Variants in RILPL1 observed in about 807,000 individuals in gnomAD.
RILPL1 encodes the protein Rab interacting lysosomal protein like 1.
A neutral mutation model predicts 50.3 loss-of-function variants in RILPL1; 33 were observed. The ratio of observed to expected loss-of-function variants is 0.66; its 90% CI spans 0.50 to 0.88. The LOEUF (loss-of-function observed/expected upper bound fraction) is 0.88. RILPL1 is among the 40% of genes least tolerant of loss of function. The pLI is 0.00. For synonymous variants in RILPL1, 205 were observed against 228.6 expected (o/e 0.90, Z 0.93); for missense variants, 418 against 542.5 (o/e 0.77, Z 2.28).
chr12:123,475,365 C>A lies in RILPL1; in HGVS notation c.1068-2683G>T, dbSNP rs775577438. ...CCGCAGTGGGCGTTGATTACTGACCCGTCACTTAAAGGACCTTCTTTACTG... is the reference window on the plus strand; with the variant it reads ...CCGCAGTGGGCGTTGATTACTGACCAGTCACTTAAAGGACCTTCTTTACTG... On this transcript the variant is annotated intron_variant, in intron 6 of 6. Coordinates refer to ENST00000376874, the MANE Select transcript of RILPL1 (RefSeq NM_178314.5). 1.2e-5 allele frequency: 5 copies of A among 407,018 alleles called. No individual in the cohort carries two copies. In the Middle Eastern group the frequency reaches 2.2e-3, roughly 180 times the overall value. 25.2% of individuals were successfully genotyped at this position (407,018 alleles called of 1,614,324 possible).
rs1206342384 is a variant in RILPL1 at position 123,472,412 on chromosome 12, T to A, written c.*126A>T. The A allele has an allele frequency of 1.1e-5, 11 of 986,496 alleles. No individual in the cohort carries two copies. The highest frequency in any genetic ancestry group is 1.5e-5 in the Non-Finnish European group (10 of 674,766). 61.1% of individuals were successfully genotyped at this position (986,496 alleles called of 1,614,324 possible). ...CCATCCTCAAATCAGACAGTCTGTT[T>A]GAGGGGTCAGTTTTCAGGGTGCATC... On this transcript the variant is annotated 3_prime_UTR_variant, in exon 7 of 7. Coordinates refer to ENST00000376874, the MANE Select transcript of RILPL1 (RefSeq NM_178314.5).
At chr12:123,510,449 T>C (rs1478657615) in intron 2 of RILPL1, among the ~76,000 whole-genome samples, 1 of 146,164 alleles carries the variant, frequency 6.8e-6, no homozygotes, top group Admixed American at 6.8e-5. Context: ...GAGGTCTGTG[T>C]GTGTGAATGT....
Position 123,491,619 on chromosome 12 carries a change from C to A in RILPL1, c.802-5814G>T, listed in dbSNP as rs567263458. Among the ~76,000 whole-genome samples the A allele has an allele frequency of 6.6e-6, 1 of 152,346 alleles. No homozygotes were observed. Among genetic ancestry groups the A allele is most frequent in the African/African-American group, 2.4e-5 (1 of 41,592 alleles). On this transcript the variant is annotated intron_variant, in intron 4 of 6. Transcript: ENST00000376874. This position sits in a 1 kb window ranked among gnomAD's most constrained non-coding sequence, Gnocchi z 4.0. ...CACCAGGCCTAGCATAAATTCAATG[C>A]ATAAATTCTGCCCGCCTTTCAGCCA...
At chr12:123,512,073 C>CTG (rs147119898) in intron 2 of RILPL1, among the ~76,000 whole-genome samples, 1 of 60,526 alleles carries the variant, frequency 1.7e-5, no homozygotes, top group African/African-American at 7.1e-5. Flanking sequence ...TGTGTGAGGT[C>CTG]TGTGTGTGTG....
intron 1 of RILPL1, among the ~76,000 whole-genome samples, chr12:123,532,658 G>A (rs201212484): frequency 2.2e-4 from 31 of 142,658 alleles, no homozygotes; most frequent in Admixed American, 1.3e-3. Flanking sequence ...TAGGGGTCAC[G>A]AAGCTCAGTG....
rs1009768863 is a variant in RILPL1 at position 123,489,870 on chromosome 12, T to G, written c.802-4065A>C. ...CCAGTGCTGCTGGCCCACATTTTGTTTGGCCTTCACTGTGTTCTAAAACTC... is the reference window on the plus strand; with the variant it reads ...CCAGTGCTGCTGGCCCACATTTTGTGTGGCCTTCACTGTGTTCTAAAACTC... On this transcript the variant is annotated intron_variant, in intron 4 of 6. Transcript: ENST00000376874. This position sits in a 1 kb window ranked among gnomAD's most constrained non-coding sequence, Gnocchi z 4.0. Among the ~76,000 whole-genome samples the G allele has an allele frequency of 2.2e-4, 34 of 152,188 alleles. No homozygotes were observed. The highest frequency in any genetic ancestry group is 2.0e-3 in the Admixed American group (30 of 15,272).
At chr12:123,488,360 G>A (rs1356800378) in intron 4 of RILPL1, among the ~76,000 whole-genome samples, 1 of 151,274 alleles carries the variant, frequency 6.6e-6, no homozygotes, top group East Asian at 1.9e-4. Flanking sequence ...AGGATCACCT[G>A]AGCCCAGGAA....
intron 1 of RILPL1, among the ~76,000 whole-genome samples, chr12:123,531,382 A>G (rs1349143118): frequency 2.6e-5 from 4 of 152,150 alleles, no homozygotes; most frequent in African/African-American, 9.7e-5. Context: ...GCTCCCCCGC[A>G]ACAGAACTAA....
intron 2 of RILPL1, among the ~76,000 whole-genome samples, chr12:123,517,023 G>A (rs1178894998): frequency 1.3e-5 from 2 of 152,072 alleles, no homozygotes; most frequent in Non-Finnish European, 2.9e-5. Flanking sequence ...AGCCAAGATC[G>A]CACCACTGCA....
intron 2 of RILPL1, 25 bp downstream of exon 2, chr12:123,523,470 T>C (rs1355820551): frequency 6.2e-7 from 1 of 1,613,698 alleles, no homozygotes; most frequent in Non-Finnish European, 8.5e-7. Flanking sequence ...CCGGCCCCCT[T>C]GCATTGGCGC....
Position 123,472,686 on chromosome 12 carries a change from T to C in RILPL1, c.1068-4A>G, listed in dbSNP as rs1296803035. ...ATCTCGGGAGAAGAAGCTAAACCTT[T>C]GGAAGGGAAAGCAAACACAGAAATG... On this transcript the variant is annotated splice_polypyrimidine_tract_variant and splice_region_variant and intron_variant, in intron 6 of 6. Transcript: ENST00000376874. The C allele has an allele frequency of 1.3e-6, 2 of 1,593,850 alleles. No homozygotes were observed. Among genetic ancestry groups the C allele is most frequent in the Admixed American group, 1.8e-5 (1 of 56,482 alleles).
chr12:123,500,417 C>T (rs564984664), intron 2 of RILPL1, among the ~76,000 whole-genome samples: 1 of 151,306 alleles, frequency 6.6e-6, no homozygotes, highest in Non-Finnish European at 1.5e-5. Flanking sequence ...CCAAGTAGCT[C>T]GAGGCAACAG....
intron 2 of RILPL1, among the ~76,000 whole-genome samples, chr12:123,509,569 A>G (rs1226567490): frequency 6.6e-6 from 1 of 151,894 alleles, no homozygotes; most frequent in Admixed American, 6.6e-5. Flanking sequence ...GTCTCAAAAA[A>G]AAAAAAAAAA....
intron 2 of RILPL1, among the ~76,000 whole-genome samples, chr12:123,504,830 T>A (rs1883631246): frequency 6.6e-6 from 1 of 152,068 alleles, no homozygotes; most frequent in Non-Finnish European, 1.5e-5. Context: ...GTTTTCTGAC[T>A]CCAGATCCCG....
intron 4 of RILPL1, among the ~76,000 whole-genome samples, chr12:123,497,999 T>G (rs972516432): frequency 2.6e-5 from 4 of 152,204 alleles, no homozygotes; most frequent in Non-Finnish European, 5.9e-5. Flanking sequence ...GTAAGCTCCA[T>G]GTGGACAGGG....
At chr12:123,505,974 T>C (rs180829750) in intron 2 of RILPL1, among the ~76,000 whole-genome samples, 162 of 152,292 alleles carry the variant, frequency 1.1e-3, no homozygotes, top group African/African-American at 3.7e-3. Flanking sequence ...GAACTAGTCA[T>C]GAGGGTCAGC....
intron 4 of RILPL1, among the ~76,000 whole-genome samples, chr12:123,490,718 G>A (rs898232402): frequency 1.7e-4 from 26 of 150,974 alleles, no homozygotes; most frequent in African/African-American, 6.1e-4. Context: ...GATTACAGGC[G>A]TGAGCCATTG....
intron 2 of RILPL1, among the ~76,000 whole-genome samples, chr12:123,503,186 CTTTTTTTTTTTTTTTTTTTTT>C (rs373514624): frequency 0.22 from 17,704 of 81,282 alleles, 1,650 homozygotes; most frequent in Middle Eastern, 0.29. Context: ...CACGCCTGGC[CTTTTTTTTTTTTTTTTTTTTT>C]TTTTTTTTTT....
At chr12:123,512,863 TG>T (rs1884442133) in intron 2 of RILPL1, among the ~76,000 whole-genome samples, 1 of 138,962 alleles carries the variant, frequency 7.2e-6, no homozygotes, top group Non-Finnish European at 1.6e-5. Context: ...TGTGTGTGTG[TG>T]GTGTGTGAGG....
Sources: gnomAD v4.1 joint callset for allele counts (sites outside exome capture counted in the v4.1 genomes callset) on GRCh38, gnomAD v4.1.1 for gene constraint, Gnocchi (gnomAD v3.1) non-coding constraint, MANE v1.5 for transcripts, NCBI Gene and HGNC (gene_info 2026-07-23, HGNC 2026-07-21) for gene names.